Variants in INO80 observed in about 807,000 individuals in gnomAD.
The protein encoded by INO80 is chromatin-remodeling ATPase INO80.
In INO80, 20 loss-of-function variants were observed where a neutral mutation model predicts 203.4. The observed-to-expected ratio is 0.10, with a 90% CI of 0.07 to 0.14. The LOEUF is 0.14. Among genes scored for constraint, INO80 ranks in the 10% least tolerant of loss-of-function variants. The pLI is 1.00. For synonymous variants in INO80, 726 were observed against 685.2 expected (o/e 1.06, Z -0.93); for missense variants, 1,419 against 1,914.4 (o/e 0.74, Z 4.83).
chr15:41,064,476 C>T lies in INO80; in HGVS notation c.1783-4550G>A, dbSNP rs951067298. ...CTCACTGTAGCCTTGAACTCCAGGG[C>T]TCAAGTGATCATCCCACCTAGAAAT... On this transcript the variant is annotated intron_variant, in intron 14 of 35. Transcript: ENST00000648947. 3.3e-5 allele frequency among the ~76,000 whole-genome samples: 5 copies of T among 152,048 alleles called. No homozygotes were observed. In the East Asian group the frequency reaches 5.8e-4, roughly 18 times the overall value.
At chr15:40,982,841 A>T in intron 35 of INO80, 21 bp downstream of exon 35, 1 of 1,591,064 alleles carries the variant, frequency 6.3e-7, no homozygotes, top group Non-Finnish European at 8.6e-7. Flanking sequence ...CAAAGTCTGC[A>T]GCCACCCTGG....
At chr15:41,015,277 T>TGC (rs990643930) in intron 27 of INO80, among the ~76,000 whole-genome samples, 22 of 152,336 alleles carry the variant, frequency 1.4e-4, no homozygotes, top group African/African-American at 5.3e-4. Context: ...AATATCCTGA[T>TGC]GCCCAGGCCT....
At chr15:41,009,502 G>T (rs534657552) in intron 27 of INO80, among the ~76,000 whole-genome samples, 1 of 150,604 alleles carries the variant, frequency 6.6e-6, no homozygotes, top group South Asian at 2.1e-4. Flanking sequence ...TTGTTCTTGC[G>T]ATAGTTTACT....
intron 17 of INO80, among the ~76,000 whole-genome samples, chr15:41,055,945 G>GTTTTTT (rs5812185): frequency 1.6e-5 from 2 of 128,584 alleles, no homozygotes; most frequent in African/African-American, 2.9e-5. Context: ...TCTTCTTTTG[G>GTTTTTT]TTTTTTTTTT....
intron 14 of INO80, 58 bp downstream of exon 14, chr15:41,069,512 G>A: frequency 9.7e-7 from 1 of 1,028,070 alleles, no homozygotes; most frequent in Non-Finnish European, 1.5e-6. Flanking sequence ...GCAAGAAAAG[G>A]AGAGTCAAAA....
intron 24 of INO80, among the ~76,000 whole-genome samples, chr15:41,034,048 C>T (rs893906642): frequency 6.6e-6 from 1 of 151,960 alleles, no homozygotes; most frequent in Non-Finnish European, 1.5e-5. Context: ...GGTGACAGAG[C>T]GAGACTCTGT....
chr15:41,048,893 G>A (rs965583087), intron 21 of INO80, among the ~76,000 whole-genome samples: 11 of 152,128 alleles, frequency 7.2e-5, no homozygotes, highest in Admixed American at 3.9e-4. Context: ...TAAATTTATC[G>A]TTGCTGACTC....
chr15:41,079,836 G>C lies in INO80; in HGVS notation c.996C>G (p.Thr332=). The change falls in exon 9 of 36, where the codon ACC becomes ACG. Residue 332 remains threonine, a synonymous_variant. Transcript: ENST00000648947. ...ALQAQKNCKE[T]LPRARRLTKE... Reference sequence around the variant, plus strand: ...TGGTGAGGCGGCGGGCACGAGGCAAGGTTTCCTTACAGTTCTTCTGGGCCT... The same window carrying C: ...TGGTGAGGCGGCGGGCACGAGGCAACGTTTCCTTACAGTTCTTCTGGGCCT... The C allele has an allele frequency of 2.5e-6, 4 of 1,614,130 alleles. No homozygotes were observed. The highest frequency in any genetic ancestry group is 3.4e-6 in the Non-Finnish European group (4 of 1,180,022).
At chr15:41,014,171 A>G (rs1268917821) in intron 27 of INO80, among the ~76,000 whole-genome samples, 1 of 152,198 alleles carries the variant, frequency 6.6e-6, no homozygotes. Context: ...CACCTACCGA[A>G]GCTAGTTTAT....
At chr15:41,061,452 A>G (rs1357304797) in intron 14 of INO80, among the ~76,000 whole-genome samples, 1 of 142,910 alleles carries the variant, frequency 7.0e-6, no homozygotes, top group Non-Finnish European at 1.5e-5. Context: ...CAAAAATACA[A>G]AAAAAAAAAA....
chr15:41,021,360 G>C (rs1294887248), intron 25 of INO80, among the ~76,000 whole-genome samples: 1 of 152,182 alleles, frequency 6.6e-6, no homozygotes, highest in Non-Finnish European at 1.5e-5. Flanking sequence ...TCCAAAGAGA[G>C]CTGGAGTTTG....
chr15:41,103,314 T>C (rs2045835706), intron 1 of INO80, among the ~76,000 whole-genome samples: 1 of 152,194 alleles, frequency 6.6e-6, no homozygotes, highest in Non-Finnish European at 1.5e-5. Context: ...CCTAATTGAC[T>C]TTCCCACCTC....
intron 1 of INO80, among the ~76,000 whole-genome samples, chr15:41,100,618 CA>C (rs1350767188): frequency 6.6e-6 from 1 of 151,866 alleles, no homozygotes; most frequent in East Asian, 1.9e-4. Context: ...ACAATACCAC[CA>C]AAAAAAGGTG....
intron 6 of INO80, 106 bp from the exon 7 acceptor site, chr15:41,085,689 T>C: frequency 1.3e-6 from 1 of 758,780 alleles, no homozygotes; most frequent in Non-Finnish European, 2.2e-6. Flanking sequence ...CACCTGACAC[T>C]GACAACACAT....
intron 16 of INO80, among the ~76,000 whole-genome samples, chr15:41,057,015 G>C (rs761345137): frequency 1.2e-4 from 19 of 152,146 alleles, no homozygotes; most frequent in Admixed American, 2.0e-4. Context: ...GCTGACATAA[G>C]TCATTTAATT....
intron 28 of INO80, among the ~76,000 whole-genome samples, chr15:41,003,334 C>CTTTTTTTTTTTTT (rs71104761): frequency 2.4e-5 from 3 of 126,024 alleles, no homozygotes; most frequent in Non-Finnish European, 3.2e-5. Flanking sequence ...CTTTTCTTTT[C>CTTTTTTTTTTTTT]TTTTTTTTTT....
intron 25 of INO80, chr15:41,024,609 G>GT (rs2044348453): frequency 6.6e-6 from 1 of 152,214 alleles, no homozygotes; most frequent in African/African-American, 2.4e-5. Flanking sequence ...TGAAGGAAGC[G>GT]TAACCGCTCC....
chr15:41,092,668 T>G (rs1361582496), intron 4 of INO80, among the ~76,000 whole-genome samples: 1 of 152,146 alleles, frequency 6.6e-6, no homozygotes, highest in Admixed American at 6.6e-5. Flanking sequence ...GAATAACACA[T>G]GAGTAGGGGC....
chr15:41,050,988 G>T (rs1339525119), intron 19 of INO80, among the ~76,000 whole-genome samples: 3 of 151,834 alleles, frequency 2.0e-5, no homozygotes, highest in South Asian at 2.1e-4. Flanking sequence ...AATTAGCAGG[G>T]TGTGGTACCA....
Sources: gnomAD v4.1 joint callset for allele counts (sites outside exome capture counted in the v4.1 genomes callset) on GRCh38, gnomAD v4.1.1 for gene constraint, MANE v1.5 for transcripts, NCBI Gene and HGNC (gene_info 2026-07-23, HGNC 2026-07-21) for gene names.